SPOCK1: variants seen among roughly 807,000 people sequenced by gnomAD.
The protein encoded by SPOCK1 is SPARC (osteonectin), cwcv and kazal like domains proteoglycan 1.
SPOCK1 carries 23 observed loss-of-function variants against 55.3 expected under a neutral mutation model. That is an observed-to-expected ratio of 0.42 (90% CI 0.30 to 0.59). SPOCK1 has a LOEUF of 0.59. SPOCK1 is among the 20% of genes least tolerant of loss of function. The pLI is 0.22. For synonymous variants in SPOCK1, 226 were observed against 221.0 expected, an observed-to-expected ratio of 1.02 and a Z score of -0.20; for missense variants, 499 against 552.5, an observed-to-expected ratio of 0.90 and a Z score of 0.97.
At chr5:137,438,243 C>T (rs752255149) in intron 2 of SPOCK1, among the ~76,000 whole-genome samples, 8 of 151,828 alleles carry the variant, frequency 5.3e-5, no homozygotes, top group Non-Finnish European at 7.4e-5. Context: ...GAGATGATGG[C>T]GGTCTGCCCT....
In SPOCK1 at chr5:137,005,751, G is replaced by A. The variant is rs187371629; in HGVS notation, c.590-13151C>T. 2.0e-5 allele frequency among the ~76,000 whole-genome samples: 3 copies of A among 152,248 alleles called. No individual in the cohort carries two copies. The East Asian group carries it at 5.8e-4, about 29-fold the overall frequency. On this transcript the variant is annotated intron_variant, in intron 6 of 10. Coordinates refer to ENST00000394945, the MANE Select transcript of SPOCK1 (RefSeq NM_004598.4). Reference sequence around the variant, plus strand: ...ACAGAAGGTTACAGAGTAACATATAGCTATAGAGAAGAGACAAAGGAAACC... The same window carrying A: ...ACAGAAGGTTACAGAGTAACATATAACTATAGAGAAGAGACAAAGGAAACC...
At chr5:137,121,898 G>A (rs1753692187) in intron 4 of SPOCK1, among the ~76,000 whole-genome samples, 1 of 144,576 alleles carries the variant, frequency 6.9e-6, no homozygotes, top group African/African-American at 2.5e-5. Context: ...ATTAGTATAT[G>A]TTATTATATG....
chr5:137,209,909 A>G (rs1488379675), intron 3 of SPOCK1, among the ~76,000 whole-genome samples: 1 of 152,234 alleles, frequency 6.6e-6, no homozygotes. Flanking sequence ...CTTGGGCATT[A>G]AGACTCAAGT....
intron 2 of SPOCK1, among the ~76,000 whole-genome samples, chr5:137,461,977 GGA>G (rs1048194260): frequency 1.4e-4 from 22 of 152,278 alleles, no homozygotes; most frequent in African/African-American, 5.3e-4. Flanking sequence ...AGGAAAACAA[GGA>G]GACTCATCCA....
At chr5:137,402,300 G>A (rs1229470417) in intron 2 of SPOCK1, among the ~76,000 whole-genome samples, 5 of 152,122 alleles carry the variant, frequency 3.3e-5, no homozygotes, top group East Asian at 3.8e-4. Context: ...CTAGTTCATC[G>A]GAGGTTAATA....
At chr5:137,085,304 G>T (rs916039738) in intron 5 of SPOCK1, among the ~76,000 whole-genome samples, 9 of 152,208 alleles carry the variant, frequency 5.9e-5, no homozygotes, top group Admixed American at 3.9e-4. Flanking sequence ...TTACTAGAAA[G>T]GAAAAGCCAT....
chr5:136,985,660 C>T (rs1043925069), intron 8 of SPOCK1, among the ~76,000 whole-genome samples: 1 of 152,028 alleles, frequency 6.6e-6, no homozygotes, highest in Non-Finnish European at 1.5e-5. Context: ...CCTCACCACC[C>T]CCAGGAAAGT....
At chr5:137,129,472 T>G (rs886725874) in intron 4 of SPOCK1, among the ~76,000 whole-genome samples, 4 of 152,204 alleles carry the variant, frequency 2.6e-5, no homozygotes, top group Non-Finnish European at 5.9e-5. Flanking sequence ...TCAGCCTCCC[T>G]GAGAATTCAG....
chr5:137,392,776 T>C (rs558025491), intron 2 of SPOCK1, among the ~76,000 whole-genome samples: 3 of 152,334 alleles, frequency 2.0e-5, no homozygotes, highest in African/African-American at 7.2e-5. Flanking sequence ...TCCCTTCCTT[T>C]CCATTTCCTT....
chr5:137,058,091 G>A (rs1274245195), intron 6 of SPOCK1, among the ~76,000 whole-genome samples: 1 of 152,222 alleles, frequency 6.6e-6, no homozygotes, highest in East Asian at 1.9e-4. Flanking sequence ...TATTCTCTGA[G>A]TACCGAAAGC....
chr5:137,498,928 C>G (rs1325348961), intron 1 of SPOCK1, among the ~76,000 whole-genome samples: 1 of 151,392 alleles, frequency 6.6e-6, no homozygotes, highest in East Asian at 2.0e-4. Flanking sequence ...GTGCACACGG[C>G]TTTGGGGCAG....
At chr5:137,355,368 T>C (rs934298470) in intron 2 of SPOCK1, among the ~76,000 whole-genome samples, 1 of 152,046 alleles carries the variant, frequency 6.6e-6, no homozygotes, top group Non-Finnish European at 1.5e-5. Flanking sequence ...AATTTATTTT[T>C]TGTAGAGGCA....
chr5:137,383,834 T>G (rs372262471), intron 2 of SPOCK1, among the ~76,000 whole-genome samples: 8 of 152,222 alleles, frequency 5.3e-5, no homozygotes, highest in Non-Finnish European at 1.0e-4. Flanking sequence ...TTTTTCCCCC[T>G]TGGGGAGTCC....
At chr5:136,996,066 T>C (rs1045837033) in intron 6 of SPOCK1, among the ~76,000 whole-genome samples, 1 of 152,132 alleles carries the variant, frequency 6.6e-6, no homozygotes, top group African/African-American at 2.4e-5. Context: ...TCAAATTTGG[T>C]ATTCTAGCCA....
chr5:137,319,460 G>C (rs1757940061), intron 2 of SPOCK1, among the ~76,000 whole-genome samples: 1 of 152,168 alleles, frequency 6.6e-6, no homozygotes, highest in Non-Finnish European at 1.5e-5. Context: ...CCAAGAGCAA[G>C]TCCTTTTAAT....
intron 2 of SPOCK1, among the ~76,000 whole-genome samples, chr5:137,318,197 T>C (rs1459009861): frequency 6.6e-6 from 1 of 152,168 alleles, no homozygotes; most frequent in Non-Finnish European, 1.5e-5. Context: ...AACATTCCAC[T>C]GGGGCGATTC....
At chr5:137,474,205 C>A (rs1431819423) in intron 2 of SPOCK1, among the ~76,000 whole-genome samples, 2 of 151,878 alleles carry the variant, frequency 1.3e-5, no homozygotes, top group African/African-American at 4.8e-5. Flanking sequence ...ACCACCTATA[C>A]CCCATATAAC....
chr5:136,992,610 A>G lies in SPOCK1; in HGVS notation c.590-10T>C, dbSNP rs1029633652. 5.0e-6 allele frequency: 8 copies of G among 1,606,980 alleles called. No homozygotes were observed. Among genetic ancestry groups the G allele is most frequent in the Non-Finnish European group, 6.8e-6 (8 of 1,176,110 alleles). ...TCCTTGTCTGTGCAGGCTAGAGAAA[A>G]GCAAACAGAACAGACAATGGGGCTG... On this transcript the variant is annotated splice_polypyrimidine_tract_variant and intron_variant, in intron 6 of 10. Coordinates refer to ENST00000394945, the MANE Select transcript of SPOCK1 (RefSeq NM_004598.4).
Position 137,309,142 on chromosome 5 carries a change from T to C in SPOCK1, c.187-42087A>G, listed in dbSNP as rs557696230. On this transcript the variant is annotated intron_variant, in intron 2 of 10. Coordinates refer to ENST00000394945, the MANE Select transcript of SPOCK1 (RefSeq NM_004598.4). Reference sequence around the variant, plus strand: ...TTTTGGGGAAAAAGTCATCTAAAAGTAGATAGATCTTCAGTGTGAAGTGAA... The same window carrying C: ...TTTTGGGGAAAAAGTCATCTAAAAGCAGATAGATCTTCAGTGTGAAGTGAA... 2.0e-5 allele frequency among the ~76,000 whole-genome samples: 3 copies of C among 152,178 alleles called. No individual in the cohort carries two copies. In the South Asian group the frequency reaches 6.2e-4, roughly 32 times the overall value.
Sources: allele counts gnomAD v4.1 joint callset (sites outside exome capture counted in the v4.1 genomes callset), GRCh38; gene constraint gnomAD v4.1.1; transcripts MANE v1.5; gene names NCBI Gene and HGNC (gene_info 2026-07-23, HGNC 2026-07-21).